CAMK1D: variants seen among roughly 807,000 people sequenced by gnomAD.
CAMK1D encodes calcium/calmodulin dependent protein kinase ID.
In CAMK1D, 9 loss-of-function variants were observed where a neutral mutation model predicts 47.7. The ratio of observed to expected loss-of-function variants is 0.19; its 90% CI spans 0.11 to 0.33. CAMK1D has a LOEUF of 0.33. CAMK1D is among the 10% of genes least tolerant of loss of function. The pLI, the probability that CAMK1D is intolerant of heterozygous loss-of-function variation, is 1.00. For missense variants in CAMK1D, 291 were observed against 488.7 expected (o/e 0.60, Z 3.81); for synonymous variants, 184 against 184.9 (o/e 0.99, Z 0.04).
At chr10:12,528,747 T>C (rs1227149023) in intron 1 of CAMK1D, among the ~76,000 whole-genome samples, 1 of 151,288 alleles carries the variant, frequency 6.6e-6, no homozygotes, top group East Asian at 1.9e-4. Context: ...TTTTTTTTTT[T>C]TTTTTCTTTT....
chr10:12,771,997 G>A (rs1837061429), intron 5 of CAMK1D, among the ~76,000 whole-genome samples: 1 of 151,500 alleles, frequency 6.6e-6, no homozygotes, highest in African/African-American at 2.4e-5. Flanking sequence ...TTGCGCCACT[G>A]CACTCCAGCC....
chr10:12,777,593 C>T (rs1193323927), intron 5 of CAMK1D, among the ~76,000 whole-genome samples: 3 of 151,936 alleles, frequency 2.0e-5, no homozygotes, highest in Non-Finnish European at 2.9e-5. Context: ...AGGCTGGTCT[C>T]GAACTCCCAA....
intron 1 of CAMK1D, among the ~76,000 whole-genome samples, chr10:12,495,916 C>T (rs975829161): frequency 6.6e-6 from 1 of 152,144 alleles, no homozygotes; most frequent in Non-Finnish European, 1.5e-5. Context: ...CGACTTCTAC[C>T]TCCTGGGTTC....
intron 6 of CAMK1D, among the ~76,000 whole-genome samples, chr10:12,799,140 T>G (rs983060327): frequency 7.3e-5 from 11 of 151,646 alleles, no homozygotes; most frequent in African/African-American, 2.4e-4. Context: ...CTTGGAAGAG[T>G]TGATCAGAAG....
chr10:12,660,535 G>A (rs75677918), intron 2 of CAMK1D, among the ~76,000 whole-genome samples: 2,654 of 152,194 alleles, frequency 0.017, 49 homozygotes, highest in South Asian at 0.12. Context: ...TTCTTGCTTG[G>A]CTGTCAGTTA....
chr10:12,810,431 C>T (rs973864087), intron 6 of CAMK1D, among the ~76,000 whole-genome samples: 5 of 152,084 alleles, frequency 3.3e-5, no homozygotes, highest in South Asian at 2.1e-4. Flanking sequence ...CCTGCCACCA[C>T]GCCCAGCTAA....
At chr10:12,579,352 G>C (rs1269176897) in intron 2 of CAMK1D, among the ~76,000 whole-genome samples, 2 of 152,084 alleles carry the variant, frequency 1.3e-5, no homozygotes, top group Non-Finnish European at 2.9e-5. Flanking sequence ...CTTATCTCTG[G>C]ACAGTTGCAG....
chr10:12,418,052 C>T (rs1446356406), intron 1 of CAMK1D, among the ~76,000 whole-genome samples: 1 of 152,180 alleles, frequency 6.6e-6, no homozygotes, highest in Non-Finnish European at 1.5e-5. Context: ...TCAAGAGGCC[C>T]GCCTTGGCCT....
chr10:12,694,459 TTA>T (rs1833158204), intron 3 of CAMK1D, among the ~76,000 whole-genome samples: 1 of 104,898 alleles, frequency 9.5e-6, no homozygotes, highest in African/African-American at 3.7e-5. Context: ...AATATATATG[TTA>T]TATATCATAT....
intron 3 of CAMK1D, among the ~76,000 whole-genome samples, chr10:12,709,057 G>A (rs1052790024): frequency 6.6e-5 from 10 of 152,360 alleles, no homozygotes; most frequent in African/African-American, 1.9e-4. Flanking sequence ...TTTGGCAGAA[G>A]GTGGCTACCC....
chr10:12,717,961 A>C (rs951326974), intron 3 of CAMK1D, among the ~76,000 whole-genome samples: 1 of 152,032 alleles, frequency 6.6e-6, no homozygotes, highest in Non-Finnish European at 1.5e-5. Context: ...TATAGATACT[A>C]TACTGAAATC....
At chr10:12,461,810 T>TA (rs1389666276) in intron 1 of CAMK1D, among the ~76,000 whole-genome samples, 3 of 152,160 alleles carry the variant, frequency 2.0e-5, no homozygotes, top group African/African-American at 7.2e-5. Flanking sequence ...AGGTATCTCT[T>TA]AGAGTAGATG....
chr10:12,422,739 C>G (rs1369026451), intron 1 of CAMK1D, among the ~76,000 whole-genome samples: 1 of 151,502 alleles, frequency 6.6e-6, no homozygotes, highest in Admixed American at 6.6e-5. Context: ...GTGGCATAAT[C>G]TCGGCTCACT....
intron 5 of CAMK1D, among the ~76,000 whole-genome samples, chr10:12,784,234 T>C (rs1027636474): frequency 1.3e-5 from 2 of 148,920 alleles, no homozygotes; most frequent in Non-Finnish European, 3.0e-5. Flanking sequence ...AGTTTCACTC[T>C]TGTTGTCCAG....
intron 3 of CAMK1D, among the ~76,000 whole-genome samples, chr10:12,676,351 A>C (rs968954015): frequency 6.6e-6 from 1 of 152,180 alleles, no homozygotes; most frequent in Non-Finnish European, 1.5e-5. Flanking sequence ...GCTCTCCTGT[A>C]TAAAATAGCA....
intron 2 of CAMK1D, among the ~76,000 whole-genome samples, chr10:12,661,593 A>G (rs1335717751): frequency 6.6e-6 from 1 of 152,260 alleles, no homozygotes; most frequent in African/African-American, 2.4e-5. Context: ...ACAGCAATGT[A>G]AGCAAGGCCT....
At chr10:12,796,861 T>C (rs1489971022) in intron 6 of CAMK1D, among the ~76,000 whole-genome samples, 1 of 152,212 alleles carries the variant, frequency 6.6e-6, no homozygotes, top group Admixed American at 6.5e-5. Context: ...TCAGACATCT[T>C]TGTGAATTGA....
intron 2 of CAMK1D, among the ~76,000 whole-genome samples, chr10:12,572,042 C>CCA (rs1554790468): frequency 7.1e-6 from 1 of 140,980 alleles, no homozygotes; most frequent in African/African-American, 2.6e-5. Context: ...AAACTAAACC[C>CCA]CCCCCCAAAA....
chr10:12,763,125 C>G (rs1356027090), intron 4 of CAMK1D, among the ~76,000 whole-genome samples: 1 of 152,112 alleles, frequency 6.6e-6, no homozygotes, highest in African/African-American at 2.4e-5. Context: ...TCCTGTGGAG[C>G]CTTAAGATCA....
Sources: allele counts gnomAD v4.1 joint callset (sites outside exome capture counted in the v4.1 genomes callset), GRCh38; gene constraint gnomAD v4.1.1; transcripts MANE v1.5; gene names NCBI Gene and HGNC (gene_info 2026-07-23, HGNC 2026-07-21).